Variants in CDH18 observed in about 807,000 individuals in gnomAD.
CDH18 encodes cadherin-18.
Under a neutral mutation model 67.9 loss-of-function variants are expected in CDH18, and 31 were observed. The observed-to-expected ratio is 0.46, with a 90% CI of 0.34 to 0.62. CDH18 has a LOEUF of 0.62. Among genes scored for constraint, CDH18 ranks in the 20% least tolerant of loss-of-function variants. The pLI, the probability that CDH18 is intolerant of heterozygous loss-of-function variation, is 0.01. For synonymous variants in CDH18, 362 were observed against 347.2 expected, an observed-to-expected ratio of 1.04 and a Z score of -0.48; for missense variants, 890 against 975.5, an observed-to-expected ratio of 0.91 and a Z score of 1.17.
intron 1 of CDH18, among the ~76,000 whole-genome samples, chr5:20,297,194 C>T (rs918965399): frequency 3.9e-5 from 6 of 152,034 alleles, no homozygotes; most frequent in Admixed American, 6.6e-5. Context: ...TGAAAATGAT[C>T]CTATAGGTTT....
At chr5:20,169,097 ATAACT>A (rs763840728) in intron 2 of CDH18, among the ~76,000 whole-genome samples, 2 of 152,268 alleles carry the variant, frequency 1.3e-5, no homozygotes, top group East Asian at 1.9e-4. Flanking sequence ...GTAGTGAATA[ATAACT>A]TAATTGTACA....
intron 2 of CDH18, among the ~76,000 whole-genome samples, chr5:19,994,622 T>G (rs1172899427): frequency 7.0e-6 from 1 of 143,824 alleles, no homozygotes; most frequent in Non-Finnish European, 1.5e-5. Context: ...AGTAAAAGAT[T>G]AATTAGTTCC....
At chr5:19,665,746 G>A (rs2150328699) in intron 5 of CDH18, among the ~76,000 whole-genome samples, 1 of 152,120 alleles carries the variant, frequency 6.6e-6, no homozygotes, top group South Asian at 2.1e-4. Flanking sequence ...AGAAGTGTGA[G>A]GAAGTTGACC....
chr5:19,616,913 G>A (rs1749928027), intron 5 of CDH18, among the ~76,000 whole-genome samples: 2 of 152,118 alleles, frequency 1.3e-5, no homozygotes, highest in Admixed American at 6.6e-5. Flanking sequence ...ACTGAGAGGA[G>A]GATGGGGAAT....
chr5:20,224,364 C>A (rs1412958723), intron 2 of CDH18, among the ~76,000 whole-genome samples: 4 of 151,910 alleles, frequency 2.6e-5, no homozygotes, highest in African/African-American at 9.7e-5. Flanking sequence ...TAAGATATTA[C>A]CAAATTCAGA....
chr5:19,865,407 A>G (rs1426078438), intron 2 of CDH18, among the ~76,000 whole-genome samples: 4 of 152,098 alleles, frequency 2.6e-5, no homozygotes, highest in African/African-American at 9.7e-5. Flanking sequence ...CTCAATCTCT[A>G]TTTCAATATT....
rs76830954 is a variant in CDH18, at chr5:20,082,965, G to A, written c.-517-90951C>T. On this transcript the variant is annotated intron_variant, in intron 2 of 14. Coordinates refer to the CDH18 transcript ENST00000507958. ...GAACTGTGAGGCAGTAAATATTCGTGATCCAAATTTTAACCACTTGAATTT... is the reference window on the plus strand; with the variant it reads ...GAACTGTGAGGCAGTAAATATTCGTAATCCAAATTTTAACCACTTGAATTT... Among the ~76,000 whole-genome samples, 1,007 of 152,272 alleles carry A rather than the reference G, an allele frequency of 6.6e-3. 14 individuals are homozygous for A. Among genetic ancestry groups the A allele is most frequent in the African/African-American group, 0.023 (963 of 41,564 alleles).
At position 19,744,215 on chromosome 5, in the gene CDH18, A is replaced by G. The variant is rs527663543; in HGVS notation, c.523+2727T>C. On this transcript the variant is annotated intron_variant, in intron 4 of 12. Coordinates refer to ENST00000382275, the MANE Select transcript of CDH18 (RefSeq NM_004934.5). Reference sequence around the variant, plus strand: ...ATAGAATCTTGCCTGAAACCACAGTAGTACAGAGAGTTGAAACTTACTCTG... The same window carrying G: ...ATAGAATCTTGCCTGAAACCACAGTGGTACAGAGAGTTGAAACTTACTCTG... 1.6e-4 allele frequency among the ~76,000 whole-genome samples: 25 copies of G among 152,290 alleles called. No individual in the cohort carries two copies. The South Asian group carries it at 5.2e-3, about 32-fold the overall frequency.
At chr5:19,780,164 C>T (rs1196076553) in intron 3 of CDH18, among the ~76,000 whole-genome samples, 1 of 152,060 alleles carries the variant, frequency 6.6e-6, no homozygotes, top group Admixed American at 6.6e-5. Context: ...CAACTGAAGT[C>T]ATTCATGTCT....
At chr5:20,538,750 C>A (rs1460547857) in intron 1 of CDH18, among the ~76,000 whole-genome samples, 1 of 151,768 alleles carries the variant, frequency 6.6e-6, no homozygotes. Flanking sequence ...TTCTTGATGG[C>A]CTTGGAAAAG....
chr5:20,194,867 A>G (rs1411528975), intron 2 of CDH18, among the ~76,000 whole-genome samples: 2 of 152,018 alleles, frequency 1.3e-5, no homozygotes, highest in African/African-American at 2.4e-5. Flanking sequence ...TTTCATCACC[A>G]TAACTTCAAG....
intron 1 of CDH18, among the ~76,000 whole-genome samples, chr5:20,520,918 A>G (rs552153760): frequency 6.6e-6 from 1 of 152,346 alleles, no homozygotes; most frequent in South Asian, 2.1e-4. Context: ...GATTGGTAGT[A>G]CTGGTTGTGC....
chr5:19,771,462 G>A (rs1054935559), intron 3 of CDH18, among the ~76,000 whole-genome samples: 6 of 152,166 alleles, frequency 3.9e-5, no homozygotes, highest in African/African-American at 7.2e-5. Context: ...ACATGAACCT[G>A]AGGCCTGCCC....
At chr5:19,637,838 T>C (rs1753389992) in intron 5 of CDH18, among the ~76,000 whole-genome samples, 2 of 152,248 alleles carry the variant, frequency 1.3e-5, no homozygotes, top group South Asian at 2.1e-4. Flanking sequence ...TTGACCCTAA[T>C]CTCACTCCTA....
At chr5:19,860,022 G>GTGTGTGTA (rs1784722233) in intron 2 of CDH18, among the ~76,000 whole-genome samples, 1 of 151,638 alleles carries the variant, frequency 6.6e-6, no homozygotes, top group Non-Finnish European at 1.5e-5. Context: ...GTGTGTGTGT[G>GTGTGTGTA]TTTAAGAGTA....
rs1398730516 is a variant in CDH18 at position 19,907,978 on chromosome 5, A to G, written c.-256-68736T>C. Among the ~76,000 whole-genome samples the G allele has an allele frequency of 1.3e-5, 2 of 152,200 alleles. 1 individual carries two copies. The highest frequency in any genetic ancestry group is 3.9e-4 in the East Asian group (2 of 5,188). On this transcript the variant is annotated intron_variant, in intron 2 of 12. Transcript: ENST00000382275. ...AAATCCTTAAATGGGGATATGGAAG[A>G]GTTAATCAGACATTTCTAACTAATG...
intron 3 of CDH18, among the ~76,000 whole-genome samples, chr5:19,787,400 C>A (rs1405187691): frequency 3.3e-5 from 5 of 151,768 alleles, no homozygotes; most frequent in Non-Finnish European, 4.4e-5. Flanking sequence ...TGCAGTGAAC[C>A]TAGACCACAC....
chr5:19,919,334 T>C (rs547702315), intron 2 of CDH18, among the ~76,000 whole-genome samples: 2 of 152,204 alleles, frequency 1.3e-5, no homozygotes, highest in Non-Finnish European at 2.9e-5. Flanking sequence ...GCTCTGTGAA[T>C]GGTTATAGCA....
intron 3 of CDH18, among the ~76,000 whole-genome samples, chr5:19,808,330 A>G (rs532636143): frequency 1.6e-3 from 224 of 139,592 alleles, no homozygotes; most frequent in African/African-American, 5.3e-3. Context: ...AAAAAAAAAC[A>G]AAAATAAAAC....
Sources: gnomAD v4.1 joint callset for allele counts (sites outside exome capture counted in the v4.1 genomes callset) on GRCh38, gnomAD v4.1.1 for gene constraint, MANE v1.5 for transcripts, NCBI Gene and HGNC (gene_info 2026-07-23, HGNC 2026-07-21) for gene names.